Variants in SNW1 observed in about 807,000 individuals in gnomAD.
The protein encoded by SNW1 is SNW domain containing 1.
Under a neutral mutation model 75.6 loss-of-function variants are expected in SNW1, and 9 were observed. The observed-to-expected ratio is 0.12, with a 90% CI of 0.07 to 0.21. The LOEUF (loss-of-function observed/expected upper bound fraction) is 0.21. Among genes scored for constraint, SNW1 ranks in the 10% least tolerant of loss-of-function variants. SNW1 has a pLI of 1.00. For missense variants in SNW1, 409 were observed against 670.9 expected, an observed-to-expected ratio of 0.61 and a Z score of 4.31; for synonymous variants, 200 against 219.1, an observed-to-expected ratio of 0.91 and a Z score of 0.77.
At chr14:77,746,909 C>T (rs1032589320) in intron 3 of SNW1, among the ~76,000 whole-genome samples, 1 of 151,886 alleles carries the variant, frequency 6.6e-6, no homozygotes, top group Non-Finnish European at 1.5e-5. Flanking sequence ...CCCCCTCCCC[C>T]CTTCTGTGCA....
intron 12 of SNW1, among the ~76,000 whole-genome samples, chr14:77,719,909 A>C (rs1320869031): frequency 1.3e-5 from 2 of 152,236 alleles, no homozygotes; most frequent in African/African-American, 4.8e-5. Flanking sequence ...TCTACTTTCC[A>C]GTAGAACTTA....
At chr14:77,753,912 C>T (rs1345055046) in intron 2 of SNW1, among the ~76,000 whole-genome samples, 5 of 151,542 alleles carry the variant, frequency 3.3e-5, no homozygotes, top group Non-Finnish European at 5.9e-5. Context: ...AAGATCGCAC[C>T]ACTGCACTCC....
intron 1 of SNW1, among the ~76,000 whole-genome samples, chr14:77,756,917 A>G (rs182705059): frequency 1.1e-4 from 16 of 152,334 alleles, no homozygotes; most frequent in African/African-American, 3.6e-4. Flanking sequence ...CTTAGAGGCC[A>G]AAGAATCAAA....
chr14:77,743,261 GA>G (rs11340395), intron 3 of SNW1, among the ~76,000 whole-genome samples: 25,524 of 149,850 alleles, frequency 0.17, 2,539 homozygotes, highest in Non-Finnish European at 0.23. Flanking sequence ...TCATAATTAG[GA>G]AAAAAAAAGC....
rs1594814467 is a variant in SNW1, at chr14:77,761,042, T to C, written c.14+72A>G. 3 of 1,613,878 alleles carry C rather than the reference T, an allele frequency of 1.9e-6. No homozygotes were observed. In the East Asian group the frequency reaches 6.7e-5, roughly 36 times the overall value. On this transcript the variant is annotated intron_variant, in intron 1 of 13. Transcript: ENST00000261531. The stretch of plus-strand genomic sequence containing the variant: ...CCGGGTCAGGTCACCGCCCGGAGGG[T>C]ATGGGAAGAGAAATGAAGAAGACTG...
chr14:77,736,579 C>CA (rs960094584), intron 6 of SNW1, among the ~76,000 whole-genome samples: 2 of 151,512 alleles, frequency 1.3e-5, no homozygotes, highest in East Asian at 1.9e-4. Context: ...AAAACAAAAA[C>CA]AAAAAAAGGC....
At chr14:77,753,562 A>G (rs2080823136) in intron 2 of SNW1, among the ~76,000 whole-genome samples, 1 of 152,190 alleles carries the variant, frequency 6.6e-6, no homozygotes, top group South Asian at 2.1e-4. Context: ...ACCAGAGGAA[A>G]GCTGACAAAA....
Position 77,732,515 on chromosome 14 carries a change from C to G in SNW1, c.861G>C (p.Leu287Phe). ...TVHINENFAK[L>F]AEALYIADRK... is the part of the protein sequence containing the mutation. ...GATCAGCAATGTAGAGGGCTTCTGC[C>G]AATTTGGCGAAATTTTCATTTATGT... Residue 287 changes from leucine (L) to phenylalanine (F), a missense_variant, in exon 9 of 14, where the codon TTG becomes TTC. Physicochemically the swap from Leu to Phe is conservative, Grantham distance 22. Around this residue, in one of 9 missense-constraint regions of SNW1, gnomAD observed 37 missense variants for 110.0 expected, o/e 0.34. Transcript: ENST00000261531. The G allele has an allele frequency of 1.9e-6, 3 of 1,610,300 alleles. No homozygotes were observed. Among genetic ancestry groups the G allele is most frequent in the Non-Finnish European group, 2.5e-6 (3 of 1,176,734 alleles).
chr14:77,717,859 TA>T lies in SNW1; in HGVS notation c.*228del, dbSNP rs1421429151. 5 of 552,136 alleles carry T rather than the reference TA, an allele frequency of 9.1e-6. No individual in the cohort carries two copies. The East Asian group carries it at 1.4e-4, about 16-fold the overall frequency. 34.2% of individuals were successfully genotyped at this position (552,136 alleles called of 1,614,324 possible). A position where few individuals can be genotyped will look rare whatever the true frequency, so the allele number is the denominator to read the frequency against. On this transcript the variant is annotated 3_prime_UTR_variant, in exon 14 of 14. Coordinates refer to ENST00000261531, the MANE Select transcript of SNW1 (RefSeq NM_012245.3). ...TTTGTATGTGGGGCAGCATGTTCTATAAATGCTGAAAGGTGGGAGAAGCACA... is the reference window on the plus strand; with the variant it reads ...TTTGTATGTGGGGCAGCATGTTCTATAATGCTGAAAGGTGGGAGAAGCACA...
intron 10 of SNW1, among the ~76,000 whole-genome samples, chr14:77,728,275 C>T (rs574024338): frequency 2.6e-5 from 4 of 152,036 alleles, no homozygotes; most frequent in African/African-American, 9.6e-5. Context: ...TATGGTAAAA[C>T]CCCATCTCTA....
intron 3 of SNW1, among the ~76,000 whole-genome samples, chr14:77,748,072 A>C (rs906842691): frequency 2.6e-5 from 4 of 152,218 alleles, no homozygotes; most frequent in Non-Finnish European, 4.4e-5. Flanking sequence ...ACTAAGAAAA[A>C]TTCTTCTGCC....
chr14:77,726,656 T>TA (rs1041948662), intron 10 of SNW1, among the ~76,000 whole-genome samples: 18 of 151,728 alleles, frequency 1.2e-4, no homozygotes, highest in African/African-American at 3.9e-4. Flanking sequence ...CTCCTAAAAA[T>TA]AAAAAAAATT....
At chr14:77,728,873 A>C (rs1283654775) in intron 10 of SNW1, among the ~76,000 whole-genome samples, 1 of 152,222 alleles carries the variant, frequency 6.6e-6, no homozygotes, top group Non-Finnish European at 1.5e-5. Context: ...GAAGCACCTG[A>C]TAAATGTTAG....
intron 5 of SNW1, 141 bp downstream of exon 5, chr14:77,738,635 CAA>C: frequency 1.5e-6 from 1 of 650,968 alleles, no homozygotes; most frequent in Non-Finnish European, 2.6e-6. Context: ...CAATTGTCTG[CAA>C]AGACAGTAGA....
chr14:77,717,683 AT>A lies in SNW1; in HGVS notation c.*404del. 1.2e-6 allele frequency: 1 copy of A among 849,808 alleles called. No homozygotes were observed. The highest frequency in any genetic ancestry group is 1.8e-6 in the Non-Finnish European group (1 of 541,268). 52.6% of individuals were successfully genotyped at this position (849,808 alleles called of 1,614,324 possible). On this transcript the variant is annotated 3_prime_UTR_variant, in exon 14 of 14. Coordinates refer to ENST00000261531, the MANE Select transcript of SNW1 (RefSeq NM_012245.3). ...CCACTCCAAATTAAAACAGAGCACA[AT>A]AGGGGCAAAATTTATTTGGCAGGAC...
chr14:77,755,128 CA>C lies in SNW1; in HGVS notation c.15-9del. ...GTAGGTGCAGGTAAAAAGCTATAAG[CA>C]AAGATAATAAAAGTCAGAAATTTAA... On this transcript the variant is annotated splice_polypyrimidine_tract_variant and intron_variant, in intron 1 of 13. Transcript: ENST00000261531. 3.1e-6 allele frequency: 5 copies of C among 1,607,744 alleles called. No homozygotes were observed. Among genetic ancestry groups the C allele is most frequent in the Non-Finnish European group, 4.2e-6 (5 of 1,178,510 alleles).
chr14:77,737,991 CAAA>C (rs35896717), intron 5 of SNW1, among the ~76,000 whole-genome samples: 4 of 74,156 alleles, frequency 5.4e-5, no homozygotes, highest in Non-Finnish European at 9.5e-5. Flanking sequence ...GACTCCATCT[CAAA>C]AAAAAAAAAA....
chr14:77,744,462 AAAAAGAAAAGT>A, intron 3 of SNW1, among the ~76,000 whole-genome samples: 1 of 150,564 alleles, frequency 6.6e-6, no homozygotes, highest in East Asian at 1.9e-4. Flanking sequence ...AAAAAAAAAA[AAAAAGAAAAGT>A]AAAGAAAAGA....
intron 3 of SNW1, among the ~76,000 whole-genome samples, chr14:77,750,198 C>G (rs1455457998): frequency 6.6e-6 from 1 of 151,686 alleles, no homozygotes; most frequent in African/African-American, 2.4e-5. Context: ...AAGACCCTGT[C>G]TCAAAAAAAC....
Sources: allele counts gnomAD v4.1 joint callset (sites outside exome capture counted in the v4.1 genomes callset), GRCh38; gene constraint gnomAD v4.1.1; regional missense constraint gnomAD v4.1.1; transcripts MANE v1.5; gene names NCBI Gene and HGNC (gene_info 2026-07-23, HGNC 2026-07-21).